The following ZNF638 variants were observed in gnomAD, a reference collection of about 807,000 sequenced individuals.
ZNF638 encodes CTCL tumor antigen se33-1.
In ZNF638, 46 loss-of-function variants were observed where a neutral mutation model predicts 195.6. The ratio of observed to expected loss-of-function variants is 0.24; its 90% CI spans 0.19 to 0.30. The LOEUF (loss-of-function observed/expected upper bound fraction) is 0.30, where lower values mean the gene tolerates loss of function less well. Among genes scored for constraint, ZNF638 ranks in the 10% least tolerant of loss-of-function variants. The pLI, the probability that ZNF638 is intolerant of heterozygous loss-of-function variation, is 1.00. For missense variants in ZNF638, 2,440 were observed against 2,325.3 expected, an observed-to-expected ratio of 1.05 and a Z score of -1.01; for synonymous variants, 845 against 772.0, an observed-to-expected ratio of 1.09 and a Z score of -1.57.
rs779615720 is a variant in ZNF638 at position 71,423,840 on chromosome 2, C to T, written c.4326C>T (p.Pro1442=). ...CCAAGGAATTTGGTCTGCTTAAACC[C>T]ACAAGTGCCAGGTCAGGCTTGGCAG... ...LSAKEFGLLK[P]TSARSGLAES... is the part of the protein sequence containing the mutation. The change falls in exon 22 of 28, where the codon CCC becomes CCT. Residue 1442 remains proline (P), a synonymous_variant. Transcript: ENST00000264447. 1 of 1,614,096 alleles carries T rather than the reference C, an allele frequency of 6.2e-7. No homozygotes were observed. The highest frequency in any genetic ancestry group is 1.1e-5 in the South Asian group (1 of 91,082).
chr2:71,418,805 C>G (rs1316869753), intron 21 of ZNF638, among the ~76,000 whole-genome samples, 166 bp downstream of exon 21: 1 of 152,094 alleles, frequency 6.6e-6, no homozygotes, highest in African/African-American at 2.4e-5. Flanking sequence ...TCAGCCTGAC[C>G]TAGGAGTTTC....
chr2:71,418,408 C>G, intron 20 of ZNF638, 194 bp from the exon 21 acceptor site: 1 of 387,438 alleles, frequency 2.6e-6, no homozygotes, highest in East Asian at 3.8e-5. Flanking sequence ...TTGTGTGTGA[C>G]CTAATTTGGA....
At chr2:71,363,278 T>C in intron 4 of ZNF638, 87 bp downstream of exon 4, 1 of 1,020,070 alleles carries the variant, frequency 9.8e-7, no homozygotes, top group Non-Finnish European at 1.4e-6. Flanking sequence ...TCTTTTGAGT[T>C]CTACTTCTGC....
In ZNF638 at chr2:71,396,122, G is replaced by A. The variant is rs1468552693; in HGVS notation, c.2378-19G>A. 1.9e-6 allele frequency: 3 copies of A among 1,609,870 alleles called. No homozygotes were observed. In the African/African-American group the frequency reaches 4.0e-5, roughly 22 times the overall value. On this transcript the variant is annotated intron_variant, in intron 10 of 27. Transcript: ENST00000264447. ...GTTATTTGTAATGTAGTACTTAAAT[G>A]TTTTTCTTGTTGTTTTAGCCAAAAC... is the stretch of plus-strand genomic sequence containing the variant.
rs1381547441 is a variant in ZNF638 at position 71,412,600 on chromosome 2, A to T, written c.3261+4353A>T. Among the ~76,000 whole-genome samples the T allele has an allele frequency of 3.4e-5, 3 of 88,094 alleles. No individual in the cohort carries two copies. In the East Asian group the frequency reaches 9.9e-4, roughly 29 times the overall value. The allele number at this position is 88,094 out of a possible 152,430, so 57.8% of individuals were successfully genotyped here. A position where few individuals can be genotyped will look rare whatever the true frequency, so the allele number is the denominator to read the frequency against. ...GCCTAGGTTTTCTTCTAGGGTTTTT[A>T]TGGTTTTAGGTCTAACGTTTAAATC... is the stretch of plus-strand genomic sequence containing the variant. On this transcript the variant is annotated intron_variant, in intron 20 of 27. Coordinates refer to ENST00000264447, the MANE Select transcript of ZNF638 (RefSeq NM_014497.5).
chr2:71,404,060 CTG>C, intron 17 of ZNF638, 62 bp downstream of exon 17: 5 of 1,513,556 alleles, frequency 3.3e-6, no homozygotes, highest in South Asian at 1.3e-5. Flanking sequence ...TTGTTACAGT[CTG>C]TTATGTTTTC....
chr2:71,425,328 G>T (rs1379759911), intron 23 of ZNF638, among the ~76,000 whole-genome samples: 2 of 152,016 alleles, frequency 1.3e-5, no homozygotes, highest in South Asian at 4.2e-4. Flanking sequence ...AAGGATTATG[G>T]CTACTAAAGC....
chr2:71,348,314 A>T, intron 1 of ZNF638: 1 of 695,848 alleles, frequency 1.4e-6, no homozygotes, highest in Non-Finnish European at 1.8e-6. Flanking sequence ...TTTTACAAAA[A>T]TGGGTCTTTT....
chr2:71,426,508 G>C lies in ZNF638; in HGVS notation c.4639G>C (p.Val1547Leu). Residue 1547 changes from valine (V) to leucine (L), a missense_variant, in exon 24 of 28, where the codon GTT becomes CTT. Around this residue, in one of 5 missense-constraint regions of ZNF638, gnomAD observed 1,883 missense variants for 1,739.1 expected, o/e 1.08. Coordinates refer to ENST00000264447, the MANE Select transcript of ZNF638 (RefSeq NM_014497.5). ...NLDEFVTVDE[V>L]IEEVNPSQAK... Reference sequence around the variant, plus strand: ...GGATGAATTTGTTACTGTGGATGAGGTTATAGAAGAAGTGAATCCTTCTCA... The same window carrying C: ...GGATGAATTTGTTACTGTGGATGAGCTTATAGAAGAAGTGAATCCTTCTCA... The C allele has an allele frequency of 1.2e-6, 2 of 1,609,300 alleles. No individual in the cohort carries two copies. Among genetic ancestry groups the C allele is most frequent in the Non-Finnish European group, 1.7e-6 (2 of 1,178,676 alleles).
intron 1 of ZNF638, among the ~76,000 whole-genome samples, chr2:71,345,334 GCTTA>G (rs1236716635): frequency 6.6e-6 from 1 of 152,110 alleles, no homozygotes; most frequent in Admixed American, 6.5e-5. Flanking sequence ...GCAACATAAT[GCTTA>G]CTTTTTTTAA....
chr2:71,336,518 C>T (rs571346985), intron 1 of ZNF638, among the ~76,000 whole-genome samples: 2 of 151,992 alleles, frequency 1.3e-5, no homozygotes, highest in Non-Finnish European at 2.9e-5. Context: ...AAAAATTACT[C>T]GTCTTACTAA....
chr2:71,431,090 T>C (rs933678343), intron 25 of ZNF638: 6 of 381,658 alleles, frequency 1.6e-5, no homozygotes, highest in Non-Finnish European at 2.9e-5. Context: ...GCCTGGAACA[T>C]ATATAAATAA....
chr2:71,406,777 A>T (rs953713679), intron 19 of ZNF638, among the ~76,000 whole-genome samples: 1 of 152,104 alleles, frequency 6.6e-6, no homozygotes, highest in Non-Finnish European at 1.5e-5. Context: ...AGGCGAGGGG[A>T]TTGCTTGAGC....
chr2:71,420,431 A>G (rs2080407193), intron 21 of ZNF638, among the ~76,000 whole-genome samples: 1 of 152,210 alleles, frequency 6.6e-6, no homozygotes, highest in Non-Finnish European at 1.5e-5. Flanking sequence ...TTTCTAATTC[A>G]TTAACATTAG....
At chr2:71,370,444 CCT>C (rs1463222306) in intron 8 of ZNF638, among the ~76,000 whole-genome samples, 6 of 152,144 alleles carry the variant, frequency 3.9e-5, no homozygotes, top group African/African-American at 1.4e-4. Flanking sequence ...ATTCTTTGGG[CCT>C]TTACTTCCTT....
intron 14 of ZNF638, 69 bp from the exon 15 acceptor site, chr2:71,400,409 C>T (rs3771371): frequency 0.54 from 772,932 of 1,443,800 alleles, 216,477 homozygotes; most frequent in Admixed American, 0.61. Flanking sequence ...TACTGTTTAA[C>T]CTATTGTGGA....
chr2:71,351,450 C>T (rs1240897813), intron 2 of ZNF638, among the ~76,000 whole-genome samples: 1 of 152,156 alleles, frequency 6.6e-6, no homozygotes, highest in Non-Finnish European at 1.5e-5. Flanking sequence ...AAGGGAAAGT[C>T]TTAGAATAAT....
At chr2:71,381,335 A>C (rs544377212) in intron 10 of ZNF638, among the ~76,000 whole-genome samples, 3 of 152,254 alleles carry the variant, frequency 2.0e-5, no homozygotes, top group East Asian at 3.9e-4. Context: ...AAGTTTTACT[A>C]GTGAGGTGAA....
intron 8 of ZNF638, among the ~76,000 whole-genome samples, chr2:71,376,757 C>G (rs1275804589): frequency 1.3e-5 from 2 of 152,044 alleles, no homozygotes; most frequent in African/African-American, 4.8e-5. Context: ...TGGATTTGTA[C>G]AACTCTTGTC....
Sources: gnomAD v4.1 joint callset for allele counts (sites outside exome capture counted in the v4.1 genomes callset) on GRCh38, gnomAD v4.1.1 for gene constraint, gnomAD v4.1.1 regional missense constraint, MANE v1.5 for transcripts, NCBI Gene and HGNC (gene_info 2026-07-23, HGNC 2026-07-21) for gene names.